The following CCDC93 variants were observed in gnomAD, a reference collection of about 807,000 sequenced individuals.
The protein encoded by CCDC93 is CCC complex scaffolding subunit CCDC93, also known as coiled-coil domain-containing protein 93.
A neutral mutation model predicts 108.2 loss-of-function variants in CCDC93; 61 were observed. That is an observed-to-expected ratio of 0.56 (90% CI 0.46 to 0.70). The LOEUF is 0.70. CCDC93 is among the 30% of genes least tolerant of loss of function. CCDC93 has a pLI of 0.00. For synonymous variants in CCDC93, 276 were observed against 260.4 expected (o/e 1.06, Z -0.58); for missense variants, 685 against 764.2 (o/e 0.90, Z 1.22).
intron 23 of CCDC93, among the ~76,000 whole-genome samples, chr2:117,927,680 C>T (rs1678168606): frequency 6.6e-6 from 1 of 152,150 alleles, no homozygotes; most frequent in Non-Finnish European, 1.5e-5. Flanking sequence ...AATGGCCATA[C>T]TGCCCAAGGT....
At chr2:117,996,415 G>A in intron 4 of CCDC93, 53 bp from the exon 5 acceptor site, 1 of 1,239,148 alleles carries the variant, frequency 8.1e-7, no homozygotes, top group Non-Finnish European at 1.2e-6. Context: ...TCCCACTGAA[G>A]TGAAGGCCAG....
At chr2:117,945,844 G>T (rs754439880) in intron 16 of CCDC93, among the ~76,000 whole-genome samples, 1 of 152,152 alleles carries the variant, frequency 6.6e-6, no homozygotes, top group Non-Finnish European at 1.5e-5. Context: ...TAAGAATCTC[G>T]CTAACAAGAT....
chr2:118,013,370 A>G (rs1249158283), intron 1 of CCDC93, among the ~76,000 whole-genome samples: 2 of 152,128 alleles, frequency 1.3e-5, no homozygotes, highest in Non-Finnish European at 2.9e-5. Flanking sequence ...GCGCTGACCC[A>G]GCGGGACACC....
chr2:117,976,832 G>A (rs1397381890), intron 8 of CCDC93, among the ~76,000 whole-genome samples: 1 of 151,820 alleles, frequency 6.6e-6, no homozygotes, highest in Non-Finnish European at 1.5e-5. Flanking sequence ...AGCCTGGGGA[G>A]TGGGTACAAT....
At position 117,952,379 on chromosome 2, in the gene CCDC93, C is replaced by T. The variant is rs2104746507; in HGVS notation, c.1062G>A (p.Leu354=). The change falls in exon 13 of 24, where the codon CTG becomes CTA. Residue 354 remains leucine (L), a synonymous_variant. Transcript: ENST00000376300. The stretch of plus-strand genomic sequence containing the variant: ...GGAGAATCTATCTGCTCACCTCTGT[C>T]AGCGTTTTCTTGGCTTCATTATATC... ...QARYNEAKKT[L]TELKTYSEKL... The T allele has an allele frequency of 1.9e-6, 3 of 1,609,858 alleles. No homozygotes were observed. The East Asian group carries it at 6.7e-5, about 36-fold the overall frequency.
At chr2:118,011,421 A>G (rs1303151415) in intron 1 of CCDC93, among the ~76,000 whole-genome samples, 1 of 152,152 alleles carries the variant, frequency 6.6e-6, no homozygotes, top group African/African-American at 2.4e-5. Context: ...CCTAGTGGAC[A>G]TAAAAATTTT....
intron 13 of CCDC93, chr2:117,949,818 C>T (rs1678996606): frequency 1.0e-6 from 1 of 985,242 alleles, no homozygotes; most frequent in Admixed American, 6.2e-5. Flanking sequence ...CAGACTATTA[C>T]ATTAGAACAC....
At chr2:118,005,068 T>C (rs1332715417) in intron 3 of CCDC93, among the ~76,000 whole-genome samples, 2 of 152,182 alleles carry the variant, frequency 1.3e-5, no homozygotes, top group African/African-American at 4.8e-5. Flanking sequence ...TGCTCCCAAA[T>C]AAGCTTTGTA....
At chr2:118,003,110 C>T (rs1038711382) in intron 3 of CCDC93, among the ~76,000 whole-genome samples, 2 of 152,206 alleles carry the variant, frequency 1.3e-5, no homozygotes, top group African/African-American at 4.8e-5. Flanking sequence ...TCCTGGTGCC[C>T]TTCCTTTCTG....
intron 11 of CCDC93, among the ~76,000 whole-genome samples, chr2:117,972,462 T>C (rs2059347): frequency 0.97 from 147,644 of 152,290 alleles, 71,757 homozygotes; most frequent in Middle Eastern, 1. Flanking sequence ...AGGTGAGCTT[T>C]AGGAGTCCTA....
At chr2:117,952,588 A>C (rs1217330956) in intron 12 of CCDC93, among the ~76,000 whole-genome samples, 153 bp from the exon 13 acceptor site, 1 of 152,242 alleles carries the variant, frequency 6.6e-6, no homozygotes. Flanking sequence ...ATGAAGAAAA[A>C]AACCTCATAT....
intron 14 of CCDC93, among the ~76,000 whole-genome samples, chr2:117,949,098 C>T (rs1238094662): frequency 2.0e-5 from 3 of 152,196 alleles, no homozygotes; most frequent in Non-Finnish European, 4.4e-5. Flanking sequence ...TGCTTCTGTA[C>T]ACAAGGGGTA....
At chr2:118,004,591 G>C (rs1240548693) in intron 3 of CCDC93, among the ~76,000 whole-genome samples, 1 of 152,200 alleles carries the variant, frequency 6.6e-6, no homozygotes, top group Non-Finnish European at 1.5e-5. Flanking sequence ...TCTATGGTGG[G>C]GGGGAACACC....
chr2:117,956,815 C>T (rs1297185567), intron 12 of CCDC93, among the ~76,000 whole-genome samples: 1 of 151,898 alleles, frequency 6.6e-6, no homozygotes, highest in Non-Finnish European at 1.5e-5. Flanking sequence ...TGGGCAGGAC[C>T]ATTTGATAGG....
intron 2 of CCDC93, among the ~76,000 whole-genome samples, chr2:118,007,626 G>A (rs936249011): frequency 1.3e-5 from 2 of 152,170 alleles, no homozygotes; most frequent in Non-Finnish European, 2.9e-5. Context: ...CCAAGATTGA[G>A]CCATTGCACT....
At chr2:117,950,075 G>A (rs1049172774) in intron 13 of CCDC93, 23 of 985,250 alleles carry the variant, frequency 2.3e-5, no homozygotes, top group Middle Eastern at 5.2e-4. Context: ...GGAGTTCCCC[G>A]ACCCAGAACA....
intron 11 of CCDC93, among the ~76,000 whole-genome samples, chr2:117,972,717 A>C (rs1012592784): frequency 5.9e-5 from 9 of 152,180 alleles, no homozygotes; most frequent in African/African-American, 2.2e-4. Context: ...CAGGAAACGA[A>C]GACACTTTCT....
chr2:117,997,458 A>C (rs781781718), intron 4 of CCDC93: 3 of 152,214 alleles, frequency 2.0e-5, no homozygotes, highest in Non-Finnish European at 2.9e-5. Flanking sequence ...CGCCAACAGC[A>C]TATCACACTT....
At chr2:117,975,811 C>T (rs940823694) in intron 8 of CCDC93, among the ~76,000 whole-genome samples, 3 of 152,162 alleles carry the variant, frequency 2.0e-5, no homozygotes, top group African/African-American at 7.2e-5. Flanking sequence ...TATACGTTTA[C>T]TGCTCAGAGT....
Sources: gnomAD v4.1 joint callset for allele counts (sites outside exome capture counted in the v4.1 genomes callset) on GRCh38, gnomAD v4.1.1 for gene constraint, MANE v1.5 for transcripts, NCBI Gene and HGNC (gene_info 2026-07-23, HGNC 2026-07-21) for gene names.